Variants in SFMBT2 observed in about 807,000 individuals in gnomAD.
SFMBT2 encodes scm-like with four MBT domains protein 2.
A neutral mutation model predicts 110.1 loss-of-function variants in SFMBT2; 38 were observed. That is an observed-to-expected ratio of 0.35 (90% CI 0.27 to 0.45). The LOEUF (loss-of-function observed/expected upper bound fraction) is 0.45, where lower values mean the gene tolerates loss of function less well. SFMBT2 is among the 20% of genes least tolerant of loss of function. The pLI is 1.00. For synonymous variants in SFMBT2, 425 were observed against 425.4 expected, an observed-to-expected ratio of 1.00 and a Z score of 0.01; for missense variants, 1,011 against 1,094.9, an observed-to-expected ratio of 0.92 and a Z score of 1.08.
intron 6 of SFMBT2, among the ~76,000 whole-genome samples, chr10:7,283,564 C>T (rs1051874540): frequency 1.4e-4 from 21 of 152,232 alleles, no homozygotes; most frequent in Non-Finnish European, 1.9e-4. Context: ...CCAGAGATTT[C>T]GGAACCTACT....
intron 7 of SFMBT2, among the ~76,000 whole-genome samples, chr10:7,266,057 A>C (rs1257468389): frequency 6.6e-6 from 1 of 152,024 alleles, no homozygotes; most frequent in African/African-American, 2.4e-5. Flanking sequence ...AGTGCGCAGA[A>C]GGGGAGATAG....
At chr10:7,322,177 G>A (rs1030303454) in intron 4 of SFMBT2, among the ~76,000 whole-genome samples, 5 of 152,140 alleles carry the variant, frequency 3.3e-5, no homozygotes, top group Non-Finnish European at 7.4e-5. Flanking sequence ...TTCTACTGAT[G>A]GTGAATGAGT....
intron 4 of SFMBT2, among the ~76,000 whole-genome samples, chr10:7,307,654 T>C (rs994959357): frequency 6.6e-6 from 1 of 152,226 alleles, no homozygotes; most frequent in Non-Finnish European, 1.5e-5. Flanking sequence ...TTCTGCTATA[T>C]GCACTGCCTG....
intron 1 of SFMBT2, among the ~76,000 whole-genome samples, chr10:7,409,956 T>C (rs935146582): frequency 6.8e-6 from 1 of 147,034 alleles, no homozygotes; most frequent in African/African-American, 2.5e-5. Context: ...CCCAGCTCCC[T>C]CCAGCCCCTT....
intron 1 of SFMBT2, among the ~76,000 whole-genome samples, chr10:7,401,659 T>C (rs749133224): frequency 6.6e-5 from 10 of 152,166 alleles, no homozygotes; most frequent in Non-Finnish European, 1.2e-4. Context: ...GGGCTCAGGA[T>C]CAACCCTGAT....
rs192397829 is a variant in SFMBT2, at chr10:7,207,811, C to T, written c.1331-1883G>A. Among the ~76,000 whole-genome samples the T allele has an allele frequency of 6.6e-5, 10 of 152,306 alleles. No homozygotes were observed. In the East Asian group the frequency reaches 1.3e-3, roughly 21 times the overall value. ...GTGGGGTCCCAATTTAGAGTTAAGC[C>T]AATATATTGGTGTATCTCAGGTGCT... On this transcript the variant is annotated intron_variant, in intron 11 of 20. Transcript: ENST00000397167.
At chr10:7,211,214 C>A (rs1045906300) in intron 11 of SFMBT2, among the ~76,000 whole-genome samples, 25 of 152,050 alleles carry the variant, frequency 1.6e-4, no homozygotes, top group African/African-American at 6.0e-4. Context: ...TGTCTAGCAA[C>A]TGTCTCCCTC....
At chr10:7,360,212 A>G (rs1187342791) in intron 4 of SFMBT2, among the ~76,000 whole-genome samples, 1 of 152,256 alleles carries the variant, frequency 6.6e-6, no homozygotes, top group Admixed American at 6.5e-5. Flanking sequence ...TCACGCCTGT[A>G]ACCCCAGCAC....
chr10:7,299,539 T>C (rs1261088254), intron 4 of SFMBT2, among the ~76,000 whole-genome samples: 1 of 152,008 alleles, frequency 6.6e-6, no homozygotes, highest in Non-Finnish European at 1.5e-5. Flanking sequence ...TGAGATACCA[T>C]CTCATGCCAG....
At chr10:7,195,780 G>T (rs890915870) in intron 15 of SFMBT2, among the ~76,000 whole-genome samples, 3 of 152,148 alleles carry the variant, frequency 2.0e-5, no homozygotes, top group Non-Finnish European at 4.4e-5. Flanking sequence ...TGCATGCCAG[G>T]TCCTGTCCTG....
rs957943301 is a variant in SFMBT2 at position 7,367,773 on chromosome 10, C to T, written c.312G>A (p.Leu104=). The T allele has an allele frequency of 6.8e-6, 11 of 1,614,056 alleles. No homozygotes were observed. The Admixed American group carries it at 1.7e-4, about 24-fold the overall frequency. The change falls in exon 4 of 21, where the codon CTG becomes CTA. Residue 104 remains leucine, a synonymous_variant. Coordinates refer to ENST00000397167, the MANE Select transcript of SFMBT2 (RefSeq NM_001387889.1). This position sits in a 1 kb window ranked among gnomAD's most constrained non-coding sequence, Gnocchi z 6.2. Reference sequence around the variant, plus strand: ...CCCCGTAACCGCAGTAGCGCAGAAGCAGCAGCTGCCCGCACGTGGTAATGA... The same window carrying T: ...CCCCGTAACCGCAGTAGCGCAGAAGTAGCAGCTGCCCGCACGTGGTAATGA... ...ATIITTCGQL[L]LLRYCGYGED...
Position 7,202,463 on chromosome 10 carries a change from G to A in SFMBT2, c.1487+17C>T. The A allele has an allele frequency of 6.2e-7, 1 of 1,614,076 alleles. No individual in the cohort carries two copies. The highest frequency in any genetic ancestry group is 8.5e-7 in the Non-Finnish European group (1 of 1,179,994). The stretch of plus-strand genomic sequence containing the variant: ...TATCGGTATACAGTGTAGTCTGGAG[G>A]GGAAAAAAGCACGTACTGTTTCTCT... On this transcript the variant is annotated intron_variant, in intron 13 of 20. Coordinates refer to ENST00000397167, the MANE Select transcript of SFMBT2 (RefSeq NM_001387889.1).
chr10:7,363,580 T>C (rs1844796019), intron 4 of SFMBT2, among the ~76,000 whole-genome samples: 1 of 152,154 alleles, frequency 6.6e-6, no homozygotes, highest in Non-Finnish European at 1.5e-5. Context: ...ACGCCTGACC[T>C]CGTGATCCGC....
intron 4 of SFMBT2, among the ~76,000 whole-genome samples, chr10:7,286,161 C>A (rs1299527337): frequency 6.6e-6 from 1 of 152,126 alleles, no homozygotes; most frequent in Non-Finnish European, 1.5e-5. Context: ...TGACACATAC[C>A]ACATGCTTGG....
chr10:7,368,008 A>G, intron 3 of SFMBT2, 119 bp from the exon 4 acceptor site: 1 of 1,397,052 alleles, frequency 7.2e-7, no homozygotes, highest in Non-Finnish European at 9.6e-7. Flanking sequence ...GCTCTAAAAC[A>G]GGCATGTATT....
intron 10 of SFMBT2, among the ~76,000 whole-genome samples, chr10:7,224,179 T>C (rs1236647300): frequency 3.3e-5 from 5 of 152,244 alleles, no homozygotes; most frequent in Non-Finnish European, 7.3e-5. Context: ...GATTACGTTA[T>C]ATTCCTACCA....
At chr10:7,164,378 ACT>A (rs1271253319) in intron 20 of SFMBT2, 3 of 971,746 alleles carry the variant, frequency 3.1e-6, no homozygotes, top group Middle Eastern at 5.3e-4. Flanking sequence ...ACAGCAGGAG[ACT>A]CTCTAAACAA....
At chr10:7,272,363 A>G (rs1183673725) in intron 7 of SFMBT2, among the ~76,000 whole-genome samples, 1 of 152,250 alleles carries the variant, frequency 6.6e-6, no homozygotes, top group Non-Finnish European at 1.5e-5. Flanking sequence ...CATTCAGCAA[A>G]GCCAAATCCC....
intron 7 of SFMBT2, among the ~76,000 whole-genome samples, chr10:7,259,470 G>T (rs1344830873): frequency 6.6e-6 from 1 of 152,182 alleles, no homozygotes; most frequent in East Asian, 1.9e-4. Flanking sequence ...AATCTTTGTT[G>T]GGGGGCTGTT....
Sources: allele counts gnomAD v4.1 joint callset (sites outside exome capture counted in the v4.1 genomes callset), GRCh38; gene constraint gnomAD v4.1.1; non-coding constraint Gnocchi (gnomAD v3.1); transcripts MANE v1.5; gene names NCBI Gene and HGNC (gene_info 2026-07-23, HGNC 2026-07-21).